IL31RA: variants seen among roughly 807,000 people sequenced by gnomAD.
The protein encoded by IL31RA is interleukin-31 receptor subunit alpha.
Under a neutral mutation model 83.7 loss-of-function variants are expected in IL31RA, and 66 were observed. That is an observed-to-expected ratio of 0.79 (90% CI 0.65 to 0.97). IL31RA has a LOEUF of 0.97. IL31RA is among the 50% of genes least tolerant of loss of function. The pLI is 0.00. For synonymous variants in IL31RA, 325 were observed against 329.0 expected (o/e 0.99, Z 0.13); for missense variants, 798 against 919.4 (o/e 0.87, Z 1.71).
rs1749869644 is a variant in IL31RA at position 55,917,705 on chromosome 5, G to A, written c.*585G>A. ...CTCCTCACATCCTCTTAGATCTCAA[G>A]TGCCTGTAGCAACACCGCACCTGAG... is the stretch of plus-strand genomic sequence containing the variant. On this transcript the variant is annotated 3_prime_UTR_variant, in exon 15 of 15. Coordinates refer to ENST00000652347, the MANE Select transcript of IL31RA (RefSeq NM_139017.7). Among the ~76,000 whole-genome samples the A allele has an allele frequency of 6.6e-6, 1 of 152,152 alleles. No individual in the cohort carries two copies. Among genetic ancestry groups the A allele is most frequent in the Admixed American group, 6.5e-5 (1 of 15,282 alleles).
In IL31RA at chr5:55,920,409, T is replaced by C. The variant is rs1252563394; in HGVS notation, c.*3289T>C. On this transcript the variant is annotated 3_prime_UTR_variant, in exon 15 of 15. Transcript: ENST00000652347. ...ATGAACTAAAAGCTATAATGACCTA[T>C]TTAATGGTTGAAAACAAAAAGAATA... Among the ~76,000 whole-genome samples the C allele has an allele frequency of 1.3e-5, 2 of 152,266 alleles. No individual in the cohort carries two copies. Among genetic ancestry groups the C allele is most frequent in the African/African-American group, 4.8e-5 (2 of 41,474 alleles).
intron 1 of IL31RA, among the ~76,000 whole-genome samples, chr5:55,856,452 T>C (rs747940919): frequency 6.6e-6 from 1 of 152,250 alleles, no homozygotes; most frequent in Non-Finnish European, 1.5e-5. Flanking sequence ...AAATGATTGA[T>C]GGCTCTCCTC....
Position 55,916,920 on chromosome 5 carries a change from A to C in IL31RA, c.2095A>C (p.Lys699Gln), listed in dbSNP as rs765910903. ...LPVSPEIPPR[K>Q]SQYLRSRMPE... ...AGTTTCACCTGAGATTCCGCCCAGAAAATCCCAATACCTACGTTCGAGGAT... is the reference window on the plus strand; with the variant it reads ...AGTTTCACCTGAGATTCCGCCCAGACAATCCCAATACCTACGTTCGAGGAT... Residue 699 changes from lysine to glutamine, a missense_variant, in exon 15 of 15, where the codon AAA becomes CAA. By Grantham distance (53) the Lys-to-Gln change is moderately conservative. Transcript: ENST00000652347. The C allele has an allele frequency of 8.7e-6, 14 of 1,614,080 alleles. 1 individual carries two copies. In the South Asian group the frequency reaches 1.5e-4, roughly 18 times the overall value.
chr5:55,856,744 C>T (rs776060265), intron 1 of IL31RA, among the ~76,000 whole-genome samples: 3 of 152,102 alleles, frequency 2.0e-5, no homozygotes, highest in Non-Finnish European at 2.9e-5. Context: ...CAGAGTCTTT[C>T]GCTCCAGTGA....
In IL31RA at chr5:55,921,583, G is replaced by A. The variant is rs76742813; in HGVS notation, c.*4463G>A. Among the ~76,000 whole-genome samples the A allele has an allele frequency of 3.7e-3, 569 of 152,276 alleles. 5 individuals carry two copies. Among genetic ancestry groups the A allele is most frequent in the African/African-American group, 0.013 (549 of 41,546 alleles). On this transcript the variant is annotated 3_prime_UTR_variant, in exon 15 of 15. Coordinates refer to ENST00000652347, the MANE Select transcript of IL31RA (RefSeq NM_139017.7). ...GTGACTGTGTCCCATCAAAGGTTAT[G>A]CTGATTTACAGTATCACCAGACATG...
At position 55,922,536 on chromosome 5, in the gene IL31RA, C is replaced by T. The variant is rs911480100; in HGVS notation, c.*5416C>T. 2.0e-6 allele frequency: 2 copies of T among 994,726 alleles called. No individual in the cohort carries two copies. The highest frequency in any genetic ancestry group is 3.2e-5 in the African/African-American group (2 of 61,990). 61.6% of individuals were successfully genotyped at this position (994,726 alleles called of 1,614,324 possible). A position where few individuals can be genotyped will look rare whatever the true frequency, so the allele number is the denominator to read the frequency against. On this transcript the variant is annotated 3_prime_UTR_variant, in exon 15 of 15. Coordinates refer to ENST00000652347, the MANE Select transcript of IL31RA (RefSeq NM_139017.7). ...GACTGAATCTGTGGCCCCAAGAGAA[C>T]CATCTCTGAAGACTGGGTATGTGGT...
At position 55,913,515 on chromosome 5, in the gene IL31RA, G is replaced by A. The variant is rs750426133; in HGVS notation, c.1681G>A (p.Gly561Arg). The change falls in exon 13 of 15, where the codon GGA becomes AGA. Residue 561 changes from glycine to arginine, a missense_variant. By Grantham distance (125) the Gly-to-Arg change is moderately radical. Coordinates refer to ENST00000652347, the MANE Select transcript of IL31RA (RefSeq NM_139017.7). ...TATCCTCATAACTTCTCTGATTGGT[G>A]GAGGCCTTCTTATTCTCATTATCCT... is the stretch of plus-strand genomic sequence containing the variant. ...EIILITSLIG[G>R]GLLILIILTV... 2 of 1,613,614 alleles carry A rather than the reference G, an allele frequency of 1.2e-6. No homozygotes were observed. The highest frequency in any genetic ancestry group is 1.7e-6 in the Non-Finnish European group (2 of 1,179,584).
rs927927787 is a variant in IL31RA, at chr5:55,922,631, A to C, written c.*5511A>C. 1.6e-5 allele frequency: 9 copies of C among 550,260 alleles called. No individual in the cohort carries two copies. Among genetic ancestry groups the C allele is most frequent in the Non-Finnish European group, 2.9e-5 (9 of 310,170 alleles). 34.1% of individuals were successfully genotyped at this position (550,260 alleles called of 1,614,324 possible). On this transcript the variant is annotated 3_prime_UTR_variant, in exon 15 of 15. Transcript: ENST00000652347. ...GTGCATGAGAAGTCTGTTATTAAGTAGAGTGTGAAAACATGGTTATGGTAA... is the reference window on the plus strand; with the variant it reads ...GTGCATGAGAAGTCTGTTATTAAGTCGAGTGTGAAAACATGGTTATGGTAA...
rs1014514928 is a variant in IL31RA, at chr5:55,916,567, C to T, written c.1819-77C>T. 11 of 1,276,368 alleles carry T rather than the reference C, an allele frequency of 8.6e-6. No homozygotes were observed. The East Asian group carries it at 2.3e-4, about 27-fold the overall frequency. 79.1% of individuals were successfully genotyped at this position (1,276,368 alleles called of 1,614,324 possible). On this transcript the variant is annotated intron_variant, in intron 14 of 14. Transcript: ENST00000652347. ...GTTCCAGAGATGGGCATTTGCTGTC[C>T]CAAGCCTAACGAGTTTTTGGCTATG...
chr5:55,849,435 T>C (rs1381290747), upstream of IL31RA, among the ~76,000 whole-genome samples: 1 of 152,222 alleles, frequency 6.6e-6, no homozygotes, highest in Non-Finnish European at 1.5e-5. Context: ...TTAAATCCAT[T>C]AATGTTTTCA....
intron 5 of IL31RA, among the ~76,000 whole-genome samples, chr5:55,887,115 C>T (rs1747665490): frequency 6.6e-6 from 1 of 152,182 alleles, no homozygotes; most frequent in Admixed American, 6.5e-5. Flanking sequence ...TTAACAAGAC[C>T]CATATTTGTA....
Position 55,851,627 on chromosome 5 carries a change from A to G in IL31RA, c.57A>G (p.Gln19=). 2 of 1,613,958 alleles carry G rather than the reference A, an allele frequency of 1.2e-6. No homozygotes were observed. Among genetic ancestry groups the G allele is most frequent in the Non-Finnish European group, 1.7e-6 (2 of 1,179,862 alleles). The part of the protein sequence containing the change: ...FTTACVCECP[Q]NILSPQPSCV... ...CGGCATGTGTCTGTGAATGTCCGCAAAACATTGTGAGTATTGATTTGGGGG... is the reference window on the plus strand; with the variant it reads ...CGGCATGTGTCTGTGAATGTCCGCAGAACATTGTGAGTATTGATTTGGGGG... Residue 19 remains glutamine, a synonymous_variant, in exon 1 of 15, where the codon CAA becomes CAG. Transcript: ENST00000652347.
At chr5:55,913,622 T>C (rs1031845374) in intron 13 of IL31RA, 52 bp downstream of exon 13, 28 of 1,169,894 alleles carry the variant, frequency 2.4e-5, no homozygotes, top group Admixed American at 3.4e-5. Context: ...CAAAAAGGGG[T>C]TGAAGTCATC....
intron 4 of IL31RA, among the ~76,000 whole-genome samples, chr5:55,879,425 C>CTTTTTTTTCTTTT (rs1747056991): frequency 4.4e-5 from 2 of 45,798 alleles, no homozygotes; most frequent in South Asian, 1.3e-3. Context: ...AGTTTCTGTC[C>CTTTTTTTTCTTTT]TTTTTTTTTT....
intron 9 of IL31RA, among the ~76,000 whole-genome samples, chr5:55,906,587 G>A (rs1394610593): frequency 6.6e-6 from 1 of 152,142 alleles, no homozygotes; most frequent in Admixed American, 6.5e-5. Context: ...GATAACTCCA[G>A]AATGTGGATC....
chr5:55,845,691 C>A, the IL31RA span, among the ~76,000 whole-genome samples: 1 of 152,056 alleles, frequency 6.6e-6, no homozygotes, highest in African/African-American at 2.4e-5. Context: ...CTTTTCCTTC[C>A]GCCATGATTG....
intron 7 of IL31RA, among the ~76,000 whole-genome samples, chr5:55,899,473 G>C (rs1748673598): frequency 6.6e-6 from 1 of 152,196 alleles, no homozygotes; most frequent in Admixed American, 6.5e-5. Context: ...AGAGGGAGAG[G>C]CATGGAAATA....
intron 8 of IL31RA, 83 bp from the exon 9 acceptor site, chr5:55,906,023 G>A: frequency 7.2e-7 from 1 of 1,388,954 alleles, no homozygotes; most frequent in Non-Finnish European, 1.0e-6. Flanking sequence ...TTTTACAGCT[G>A]AGGCAATGAG....
chr5:55,855,875 CTTTTGTTGTTGG>C (rs973390539), intron 1 of IL31RA, among the ~76,000 whole-genome samples: 9 of 152,090 alleles, frequency 5.9e-5, no homozygotes, highest in African/African-American at 2.2e-4. Flanking sequence ...GTTTACATCT[CTTTTGTTGTTGG>C]TTTTGTTGTT....
Sources: gnomAD v4.1 joint callset for allele counts (sites outside exome capture counted in the v4.1 genomes callset) on GRCh38, gnomAD v4.1.1 for gene constraint, MANE v1.5 for transcripts, NCBI Gene and HGNC (gene_info 2026-07-23, HGNC 2026-07-21) for gene names.